The following TBC1D22A variants were observed in gnomAD, a reference collection of about 807,000 sequenced individuals.
TBC1D22A encodes putative GTPase activator.
TBC1D22A carries 38 observed loss-of-function variants against 60.2 expected under a neutral mutation model. The observed-to-expected ratio is 0.63, with a 90% CI of 0.49 to 0.83. The LOEUF is 0.83. Ranked by LOEUF, TBC1D22A falls within the 40% of genes least tolerant of loss-of-function variation. TBC1D22A has a pLI of 0.00. For missense variants in TBC1D22A, 628 were observed against 701.0 expected (o/e 0.90, Z 1.18); for synonymous variants, 302 against 281.7 (o/e 1.07, Z -0.72).
intron 11 of TBC1D22A, among the ~76,000 whole-genome samples, chr22:47,095,016 C>A (rs1238972101): frequency 6.6e-6 from 1 of 152,250 alleles, no homozygotes; most frequent in Non-Finnish European, 1.5e-5. Context: ...GCAACAGGCT[C>A]ATTTAGGCTT....
intron 12 of TBC1D22A, among the ~76,000 whole-genome samples, chr22:47,117,797 G>A (rs2066124589): frequency 6.6e-6 from 1 of 152,178 alleles, no homozygotes; most frequent in Non-Finnish European, 1.5e-5. Context: ...GCAACCATAG[G>A]AGGAAAGTTT....
chr22:46,840,403 C>G (rs12165655), intron 4 of TBC1D22A, among the ~76,000 whole-genome samples: 85 of 152,220 alleles, frequency 5.6e-4, no homozygotes, highest in African/African-American at 2.0e-3. Context: ...AAAATCACAA[C>G]GAGTTATCAT....
intron 12 of TBC1D22A, chr22:47,116,390 C>G (rs1779428131): frequency 6.6e-6 from 1 of 152,278 alleles, no homozygotes; most frequent in African/African-American, 2.4e-5. Flanking sequence ...TCAGGAACCT[C>G]CTCTGAGGAG....
chr22:46,903,359 C>T (rs1325745272), intron 7 of TBC1D22A, among the ~76,000 whole-genome samples: 2 of 152,206 alleles, frequency 1.3e-5, no homozygotes, highest in Non-Finnish European at 2.9e-5. Flanking sequence ...GTGGACCAGG[C>T]ATGGAGCCAG....
At chr22:46,838,181 T>C (rs2086600941) in intron 4 of TBC1D22A, among the ~76,000 whole-genome samples, 1 of 151,846 alleles carries the variant, frequency 6.6e-6, no homozygotes, top group Non-Finnish European at 1.5e-5. Context: ...AACAAGTAAA[T>C]GAAATAGAGA....
chr22:47,164,914 C>T (rs1398553949), intron 12 of TBC1D22A, among the ~76,000 whole-genome samples: 6 of 152,150 alleles, frequency 3.9e-5, no homozygotes, highest in Admixed American at 1.3e-4. Context: ...CAGAAAGGCC[C>T]GGGGGTTTGG....
intron 11 of TBC1D22A, among the ~76,000 whole-genome samples, chr22:47,057,792 TG>T (rs1255311582): frequency 6.6e-6 from 1 of 151,960 alleles, no homozygotes; most frequent in Non-Finnish European, 1.5e-5. Context: ...CCATAACACG[TG>T]GGGATTATGG....
intron 4 of TBC1D22A, among the ~76,000 whole-genome samples, chr22:46,809,445 G>T (rs545271577): frequency 3.9e-5 from 6 of 152,152 alleles, no homozygotes; most frequent in Non-Finnish European, 8.8e-5. Flanking sequence ...TTCAACATAC[G>T]AATTTGAGGA....
At chr22:46,798,739 A>G (rs761051094) in intron 4 of TBC1D22A, among the ~76,000 whole-genome samples, 1 of 152,112 alleles carries the variant, frequency 6.6e-6, no homozygotes, top group Non-Finnish European at 1.5e-5. Flanking sequence ...TCACTGTGGC[A>G]CTCTAAGAGC....
At chr22:46,802,065 T>C (rs1012172498) in intron 4 of TBC1D22A, among the ~76,000 whole-genome samples, 4 of 152,330 alleles carry the variant, frequency 2.6e-5, no homozygotes, top group African/African-American at 9.6e-5. Context: ...TCCTTACTCA[T>C]GAAGTGGCTC....
chr22:47,121,789 C>T lies in TBC1D22A; in HGVS notation c.1425+10186C>T, dbSNP rs113532736. ...GTTTTCTCACTAGGGTTAATTCCCA[C>T]GTTAAGGATGGTTGTGGGGATTCGG... On this transcript the variant is annotated intron_variant, in intron 12 of 12. Coordinates refer to ENST00000337137, the MANE Select transcript of TBC1D22A (RefSeq NM_014346.5). 2.8e-4 allele frequency among the ~76,000 whole-genome samples: 43 copies of T among 152,108 alleles called. 1 individual carries two copies. The highest frequency in any genetic ancestry group is 2.3e-3 in the Admixed American group (35 of 15,276).
At chr22:46,906,281 G>A (rs1399964100) in intron 7 of TBC1D22A, among the ~76,000 whole-genome samples, 2 of 151,986 alleles carry the variant, frequency 1.3e-5, no homozygotes, top group African/African-American at 4.9e-5. Context: ...GCCAGAAGGT[G>A]AGTTTAGATC....
rs78221339 is a variant in TBC1D22A, at chr22:47,110,931, T to C, written c.1330-577T>C. Among the ~76,000 whole-genome samples the C allele has an allele frequency of 6.3e-3, 966 of 152,310 alleles. 13 individuals are homozygous for C. Among genetic ancestry groups the C allele is most frequent in the African/African-American group, 0.022 (934 of 41,568 alleles). ...AAGAAGGGGGAGCAGGGAAGCCTTGTTTGATGACAGTGAGGAGAGACATGG... is the reference window on the plus strand; with the variant it reads ...AAGAAGGGGGAGCAGGGAAGCCTTGCTTGATGACAGTGAGGAGAGACATGG... On this transcript the variant is annotated intron_variant, in intron 11 of 12. Coordinates refer to ENST00000337137, the MANE Select transcript of TBC1D22A (RefSeq NM_014346.5).
At chr22:46,780,306 G>A (rs886913423) in intron 1 of TBC1D22A, among the ~76,000 whole-genome samples, 9 of 152,140 alleles carry the variant, frequency 5.9e-5, no homozygotes, top group Non-Finnish European at 7.4e-5. Flanking sequence ...GCATTTAATC[G>A]TAAATGTTTC....
At chr22:47,145,673 C>T (rs1013146898) in intron 12 of TBC1D22A, among the ~76,000 whole-genome samples, 1 of 152,146 alleles carries the variant, frequency 6.6e-6, no homozygotes, top group Non-Finnish European at 1.5e-5. Flanking sequence ...TGGTATTTGC[C>T]AGCTTTTAAA....
intron 7 of TBC1D22A, among the ~76,000 whole-genome samples, chr22:46,905,846 C>G (rs1027049709): frequency 6.6e-6 from 1 of 152,192 alleles, no homozygotes; most frequent in East Asian, 1.9e-4. Flanking sequence ...GTGTCCCAGA[C>G]GTTCTCTGTT....
At chr22:47,048,169 A>G (rs2063091193) in intron 11 of TBC1D22A, among the ~76,000 whole-genome samples, 1 of 152,154 alleles carries the variant, frequency 6.6e-6, no homozygotes, top group African/African-American at 2.4e-5. Context: ...GAGGAGCCCC[A>G]GGCTGGGCCC....
intron 11 of TBC1D22A, among the ~76,000 whole-genome samples, chr22:47,099,817 C>T (rs576529189): frequency 3.3e-5 from 5 of 152,194 alleles, no homozygotes; most frequent in Admixed American, 6.5e-5. Flanking sequence ...TTCTGTGTTC[C>T]ACACCACCCT....
chr22:47,031,283 G>A lies in TBC1D22A; in HGVS notation c.1202-5788G>A, dbSNP rs968937513. On this transcript the variant is annotated intron_variant, in intron 10 of 12. Coordinates refer to ENST00000337137, the MANE Select transcript of TBC1D22A (RefSeq NM_014346.5). Reference sequence around the variant, plus strand: ...GGGTGCAGTGCACAGCTTGGAGCCCGAAGGCTGGATTGCCTTGTCTGTTTC... The same window carrying A: ...GGGTGCAGTGCACAGCTTGGAGCCCAAAGGCTGGATTGCCTTGTCTGTTTC... 2.6e-5 allele frequency among the ~76,000 whole-genome samples: 4 copies of A among 152,216 alleles called. No homozygotes were observed. The East Asian group carries it at 7.7e-4, about 29-fold the overall frequency.
Sources: gnomAD v4.1 joint callset for allele counts (sites outside exome capture counted in the v4.1 genomes callset) on GRCh38, gnomAD v4.1.1 for gene constraint, MANE v1.5 for transcripts, NCBI Gene and HGNC (gene_info 2026-07-23, HGNC 2026-07-21) for gene names.